Variants in ZNF385D observed in about 807,000 individuals in gnomAD.
The protein encoded by ZNF385D is zinc finger protein 659.
A neutral mutation model predicts 35.8 loss-of-function variants in ZNF385D; 15 were observed. The observed-to-expected ratio is 0.42, with a 90% CI of 0.28 to 0.64. ZNF385D has a LOEUF of 0.64. ZNF385D is among the 30% of genes least tolerant of loss of function. ZNF385D has a pLI of 0.23. For synonymous variants in ZNF385D, 212 were observed against 186.8 expected (o/e 1.13, Z -1.10); for missense variants, 474 against 494.6 (o/e 0.96, Z 0.39).
At chr3:22,008,780 A>T (rs1192719284) in intron 3 of ZNF385D, among the ~76,000 whole-genome samples, 2 of 152,234 alleles carry the variant, frequency 1.3e-5, no homozygotes, top group Non-Finnish European at 2.9e-5. Flanking sequence ...AAAATAGAGA[A>T]ATGTATAGAA....
chr3:22,282,150 A>T (rs1465729715), intron 2 of ZNF385D, among the ~76,000 whole-genome samples: 1 of 151,756 alleles, frequency 6.6e-6, no homozygotes, highest in Non-Finnish European at 1.5e-5. Context: ...TTTCTTGGTT[A>T]TTCTCACTAA....
At chr3:21,703,975 G>A (rs114837839) in intron 1 of ZNF385D, among the ~76,000 whole-genome samples, 2,070 of 152,292 alleles carry the variant, frequency 0.014, 43 homozygotes, top group African/African-American at 0.046. Flanking sequence ...CTGTGCTATA[G>A]GTTGATGTTG....
intron 3 of ZNF385D, among the ~76,000 whole-genome samples, chr3:22,044,679 A>G (rs1698875314): frequency 1.3e-5 from 2 of 152,136 alleles, no homozygotes; most frequent in Admixed American, 1.3e-4. Context: ...CTTTGCTAAG[A>G]GCCATTTGGT....
chr3:22,126,008 C>G (rs1222639468), intron 3 of ZNF385D, among the ~76,000 whole-genome samples: 1 of 151,660 alleles, frequency 6.6e-6, no homozygotes, highest in Non-Finnish European at 1.5e-5. Flanking sequence ...AGAGAAAAAG[C>G]TTTTAATTTT....
chr3:21,561,347 G>A (rs1275033598), intron 3 of ZNF385D, among the ~76,000 whole-genome samples: 3 of 152,198 alleles, frequency 2.0e-5, no homozygotes, highest in Admixed American at 6.5e-5. Flanking sequence ...CTGGGCTGGA[G>A]CGCACAATTC....
intron 3 of ZNF385D, among the ~76,000 whole-genome samples, chr3:21,982,514 T>G (rs1694531027): frequency 6.6e-6 from 1 of 152,160 alleles, no homozygotes; most frequent in Non-Finnish European, 1.5e-5. Context: ...AGATATATAA[T>G]CATGTTGTCT....
intron 2 of ZNF385D, among the ~76,000 whole-genome samples, chr3:22,291,458 T>C (rs868288157): frequency 6.6e-5 from 10 of 152,050 alleles, no homozygotes; most frequent in African/African-American, 2.4e-4. Flanking sequence ...AAATTTTCTG[T>C]TTAATTTTAT....
At chr3:22,021,491 G>A (rs1697221194) in intron 3 of ZNF385D, among the ~76,000 whole-genome samples, 2 of 152,140 alleles carry the variant, frequency 1.3e-5, no homozygotes, top group Middle Eastern at 3.4e-3. Flanking sequence ...CCTAGGTTTT[G>A]AATCCTGACT....
intron 3 of ZNF385D, among the ~76,000 whole-genome samples, chr3:21,817,766 T>C (rs986826762): frequency 2.0e-5 from 3 of 152,170 alleles, no homozygotes; most frequent in Non-Finnish European, 4.4e-5. Context: ...GGCAGTGTGG[T>C]GATTCCTCTG....
chr3:21,711,056 T>TTTTTTTTTTTTTTC (rs1162508368), intron 1 of ZNF385D, among the ~76,000 whole-genome samples: 1 of 141,900 alleles, frequency 7.0e-6, no homozygotes, highest in African/African-American at 2.7e-5. Context: ...TTTTTTTTTT[T>TTTTTTTTTTTTTTC]TTTGAGATGG....
intron 3 of ZNF385D, among the ~76,000 whole-genome samples, chr3:21,805,258 T>G (rs914471893): frequency 6.6e-6 from 1 of 152,168 alleles, no homozygotes; most frequent in Non-Finnish European, 1.5e-5. Flanking sequence ...ATTAGGGTAG[T>G]GAGAGAGAAT....
At chr3:21,908,222 A>G (rs1451471022) in intron 3 of ZNF385D, among the ~76,000 whole-genome samples, 1 of 151,952 alleles carries the variant, frequency 6.6e-6, no homozygotes. Context: ...TGAGACCAAG[A>G]TCCAAGGAAT....
chr3:21,423,847 T>C (rs934288837), intron 7 of ZNF385D, 116 bp downstream of exon 7: 5 of 913,040 alleles, frequency 5.5e-6, no homozygotes, highest in African/African-American at 1.8e-5. Flanking sequence ...TGAACTCAAC[T>C]CAAAAAGGTA....
At chr3:21,985,374 G>T (rs1379601990) in intron 3 of ZNF385D, among the ~76,000 whole-genome samples, 1 of 114,976 alleles carries the variant, frequency 8.7e-6, no homozygotes, top group Non-Finnish European at 1.8e-5. Flanking sequence ...TTTTTAGCAT[G>T]AAGGGTTGTT....
At chr3:21,886,021 C>T (rs555662859) in intron 3 of ZNF385D, among the ~76,000 whole-genome samples, 12 of 152,176 alleles carry the variant, frequency 7.9e-5, no homozygotes, top group Admixed American at 2.0e-4. Context: ...GAAAAAACAC[C>T]TTCTCAGAAA....
chr3:22,264,969 C>T (rs1316139739), intron 2 of ZNF385D, among the ~76,000 whole-genome samples: 1 of 151,872 alleles, frequency 6.6e-6, no homozygotes, highest in Non-Finnish European at 1.5e-5. Flanking sequence ...TTGCTCCAGA[C>T]TCCTCTTCTC....
At chr3:22,270,301 G>A (rs943327635) in intron 2 of ZNF385D, among the ~76,000 whole-genome samples, 47 of 151,912 alleles carry the variant, frequency 3.1e-4, no homozygotes, top group African/African-American at 1.1e-3. Flanking sequence ...GGGGCTTTAG[G>A]ACAGTATCTC....
intron 3 of ZNF385D, among the ~76,000 whole-genome samples, chr3:21,546,843 C>T (rs550724936): frequency 6.6e-6 from 1 of 151,868 alleles, no homozygotes; most frequent in Admixed American, 6.6e-5. Context: ...CTAGCCCCCC[C>T]CGCTTCATGG....
chr3:21,641,453 C>T (rs2065603313), intron 2 of ZNF385D, among the ~76,000 whole-genome samples: 1 of 151,850 alleles, frequency 6.6e-6, no homozygotes, highest in African/African-American at 2.4e-5. Flanking sequence ...TGTCTCATCA[C>T]TGGGAATTTC....
Sources: gnomAD v4.1 joint callset for allele counts (sites outside exome capture counted in the v4.1 genomes callset) on GRCh38, gnomAD v4.1.1 for gene constraint, MANE v1.5 for transcripts, NCBI Gene and HGNC (gene_info 2026-07-23, HGNC 2026-07-21) for gene names.